PDE10A: variants seen among roughly 807,000 people sequenced by gnomAD.
PDE10A encodes the protein cAMP and cAMP-inhibited cGMP 3',5'-cyclic phosphodiesterase 10A.
A neutral mutation model predicts 97.7 loss-of-function variants in PDE10A; 39 were observed. That is an observed-to-expected ratio of 0.40 (90% CI 0.31 to 0.52). PDE10A has a LOEUF of 0.52. Among genes scored for constraint, PDE10A ranks in the 20% least tolerant of loss-of-function variants. The pLI is 0.56. For missense variants in PDE10A, 731 were observed against 1,047.8 expected (o/e 0.70, Z 4.17); for synonymous variants, 371 against 376.8 (o/e 0.98, Z 0.18).
intron 2 of PDE10A, among the ~76,000 whole-genome samples, chr6:165,524,892 GA>G (rs1782339005): frequency 6.6e-6 from 1 of 152,152 alleles, no homozygotes; most frequent in South Asian, 2.1e-4. Flanking sequence ...TGTAAACTCT[GA>G]GGAACCTTTT....
intron 18 of PDE10A, among the ~76,000 whole-genome samples, chr6:165,369,558 C>A (rs1414617472): frequency 4.1e-5 from 6 of 145,742 alleles, no homozygotes; most frequent in Non-Finnish European, 7.5e-5. Flanking sequence ...AGCAAAGCCT[C>A]CAAGAAATAT....
chr6:165,773,127 C>T (rs934320933), intron 1 of PDE10A: 11 of 152,228 alleles, frequency 7.2e-5, no homozygotes, highest in Non-Finnish European at 2.9e-5. Flanking sequence ...AAACCATGAT[C>T]TTAAAATACG....
chr6:165,543,110 C>T (rs1378031557), intron 2 of PDE10A, among the ~76,000 whole-genome samples: 1 of 152,070 alleles, frequency 6.6e-6, no homozygotes, highest in Admixed American at 6.5e-5. Context: ...GAAATACATA[C>T]TATGAATAAT....
intron 13 of PDE10A, among the ~76,000 whole-genome samples, chr6:165,403,596 A>G (rs1431914935): frequency 6.6e-6 from 1 of 152,222 alleles, no homozygotes; most frequent in African/African-American, 2.4e-5. Flanking sequence ...TTACATTTAA[A>G]ATCGAATTGA....
intron 1 of PDE10A, among the ~76,000 whole-genome samples, chr6:165,978,642 G>A (rs1044849368): frequency 1.3e-5 from 2 of 152,138 alleles, no homozygotes; most frequent in Non-Finnish European, 2.9e-5. Context: ...CAATGTCCTG[G>A]AGTTTTTTTA....
intron 1 of PDE10A, among the ~76,000 whole-genome samples, chr6:165,732,035 C>T (rs527724738): frequency 6.6e-6 from 1 of 152,160 alleles, no homozygotes; most frequent in Admixed American, 6.5e-5. Flanking sequence ...ACTGGATGCA[C>T]CACTGGATAA....
chr6:165,897,704 G>C (rs895997320), intron 1 of PDE10A, among the ~76,000 whole-genome samples: 1 of 149,502 alleles, frequency 6.7e-6, no homozygotes, highest in East Asian at 2.0e-4. Context: ...GAGTTCCGAC[G>C]TGTCCTCTGG....
intron 1 of PDE10A, among the ~76,000 whole-genome samples, chr6:165,720,837 C>G (rs1202047389): frequency 2.0e-5 from 3 of 152,170 alleles, no homozygotes; most frequent in Non-Finnish European, 4.4e-5. Flanking sequence ...AAGGTGGTCT[C>G]CACTCTATGT....
chr6:165,892,334 A>G (rs2128482520), intron 1 of PDE10A, among the ~76,000 whole-genome samples: 1 of 152,262 alleles, frequency 6.6e-6, no homozygotes, highest in African/African-American at 2.4e-5. Context: ...CCCCCTCTTC[A>G]TTCCCCAGCA....
chr6:165,611,279 G>C (rs1015966450), intron 1 of PDE10A, among the ~76,000 whole-genome samples: 1 of 152,166 alleles, frequency 6.6e-6, no homozygotes, highest in African/African-American at 2.4e-5. Context: ...ACTTGTTACT[G>C]AATTAGAACC....
intron 18 of PDE10A, among the ~76,000 whole-genome samples, chr6:165,351,718 T>G (rs1782706216): frequency 6.6e-6 from 1 of 152,220 alleles, no homozygotes; most frequent in Non-Finnish European, 1.5e-5. Context: ...AATACAGTTT[T>G]GAGAGTAAAA....
intron 1 of PDE10A, among the ~76,000 whole-genome samples, chr6:165,894,067 A>G (rs1401484681): frequency 2.0e-5 from 3 of 152,190 alleles, no homozygotes; most frequent in African/African-American, 7.2e-5. Flanking sequence ...TCAAGGACCA[A>G]CTGTGCATTT....
chr6:165,545,024 A>G (rs1437552878), intron 1 of PDE10A, among the ~76,000 whole-genome samples: 2 of 152,102 alleles, frequency 1.3e-5, no homozygotes, highest in African/African-American at 4.8e-5. Flanking sequence ...GTCCCTAAAA[A>G]CAAAAGGTGC....
At chr6:165,844,101 G>A (rs866406519) in intron 1 of PDE10A, among the ~76,000 whole-genome samples, 3 of 152,166 alleles carry the variant, frequency 2.0e-5, no homozygotes, top group Non-Finnish European at 2.9e-5. Flanking sequence ...TTGGAAAAGG[G>A]GACCAAGCCA....
intron 18 of PDE10A, among the ~76,000 whole-genome samples, chr6:165,378,857 G>A (rs1784769367): frequency 6.6e-6 from 1 of 152,146 alleles, no homozygotes; most frequent in Non-Finnish European, 1.5e-5. Flanking sequence ...TTGAGTTTCT[G>A]AGGCCAATGG....
chr6:165,900,114 G>T (rs1324710155), intron 1 of PDE10A, among the ~76,000 whole-genome samples: 1 of 152,154 alleles, frequency 6.6e-6, no homozygotes, highest in Non-Finnish European at 1.5e-5. Context: ...AAAGAGAGGG[G>T]CAGGGAGATG....
intron 1 of PDE10A, among the ~76,000 whole-genome samples, chr6:165,565,235 T>C (rs1395645109): frequency 2.0e-5 from 3 of 152,174 alleles, no homozygotes; most frequent in African/African-American, 7.2e-5. Context: ...TTGGAACTAA[T>C]AAGTGATTAT....
In PDE10A at chr6:165,418,056, C is replaced by T. The variant is rs772317400; in HGVS notation, c.1796+579G>A. Among the ~76,000 whole-genome samples, 1 of 152,140 alleles carries T rather than the reference C, an allele frequency of 6.6e-6. No individual in the cohort carries two copies. The highest frequency in any genetic ancestry group is 1.5e-5 in the Non-Finnish European group (1 of 68,034). On this transcript the variant is annotated intron_variant, in intron 11 of 21. Transcript: ENST00000539869. The surrounding 1 kb of genome is among the most constrained non-coding windows in gnomAD (Gnocchi z 4.8). ...GTGCGATATGAGCAAGCCCCCATGC[C>T]TCCATCAACAAAATAAACTCCATTC...
At chr6:165,916,135 T>G (rs1001470499) in intron 1 of PDE10A, among the ~76,000 whole-genome samples, 3 of 152,258 alleles carry the variant, frequency 2.0e-5, no homozygotes, top group African/African-American at 7.2e-5. Flanking sequence ...TGTGTAATGA[T>G]TCCATTTTAA....
Sources: allele counts gnomAD v4.1 joint callset (sites outside exome capture counted in the v4.1 genomes callset), GRCh38; gene constraint gnomAD v4.1.1; non-coding constraint Gnocchi (gnomAD v3.1); transcripts MANE v1.5; gene names NCBI Gene and HGNC (gene_info 2026-07-23, HGNC 2026-07-21).